MPPED1: variants seen among roughly 807,000 people sequenced by gnomAD.
The protein encoded by MPPED1 is metallophosphoesterase domain containing 1, also known as metallophosphoesterase domain-containing protein 1.
MPPED1 carries 16 observed loss-of-function variants against 36.2 expected under a neutral mutation model. The observed-to-expected ratio is 0.44, with a 90% CI of 0.30 to 0.67. The LOEUF is 0.67. MPPED1 is among the 30% of genes least tolerant of loss of function. The pLI, the probability that MPPED1 is intolerant of heterozygous loss-of-function variation, is 0.10. For missense variants in MPPED1, 307 were observed against 453.4 expected (o/e 0.68, Z 2.93); for synonymous variants, 199 against 191.3 (o/e 1.04, Z -0.33).
chr22:43,495,315 T>A (rs1932233839), intron 4 of MPPED1, among the ~76,000 whole-genome samples: 3 of 142,424 alleles, frequency 2.1e-5, no homozygotes, highest in South Asian at 2.3e-4. Context: ...GTGGTGATGG[T>A]GGTGGTGATG....
chr22:43,429,408 A>C (rs1366610912), intron 2 of MPPED1, among the ~76,000 whole-genome samples: 2 of 152,220 alleles, frequency 1.3e-5, no homozygotes, highest in Non-Finnish European at 2.9e-5. Context: ...TGGGCAACAG[A>C]TGCGGTGGCT....
chr22:43,443,331 T>C (rs531019028), intron 3 of MPPED1, among the ~76,000 whole-genome samples: 2 of 152,222 alleles, frequency 1.3e-5, no homozygotes, highest in Non-Finnish European at 2.9e-5. Flanking sequence ...CAAGGTCTGA[T>C]TCGGGTTTCT....
At chr22:43,440,190 A>G (rs146197189) in intron 3 of MPPED1, among the ~76,000 whole-genome samples, 47 of 152,358 alleles carry the variant, frequency 3.1e-4, no homozygotes, top group Middle Eastern at 3.4e-3. Flanking sequence ...CCTGAATGCC[A>G]CTGGGTAGGC....
At chr22:43,497,935 G>GTATGTGTATATATATATATATATATA (rs1932480800) in intron 4 of MPPED1, among the ~76,000 whole-genome samples, 1 of 128,362 alleles carries the variant, frequency 7.8e-6, no homozygotes, top group African/African-American at 3.5e-5. Context: ...ATATGTATAT[G>GTATGTGTATATATATATATATATATA]TATATATATA....
At position 43,444,945 on chromosome 22, in the gene MPPED1, G is replaced by A. The variant is rs962080794; in HGVS notation, c.406+9730G>A. Among the ~76,000 whole-genome samples the A allele has an allele frequency of 2.0e-5, 3 of 152,274 alleles. No homozygotes were observed. The East Asian group carries it at 5.8e-4, about 29-fold the overall frequency. The stretch of plus-strand genomic sequence containing the variant: ...ATATTGATGATAAATTAAAAGCCAG[G>A]GTTGAAAAAAAAGTTAGAGTAGCTC... On this transcript the variant is annotated intron_variant, in intron 3 of 6. Transcript: ENST00000443721.
intron 4 of MPPED1, among the ~76,000 whole-genome samples, chr22:43,479,528 G>T (rs552870119): frequency 2.6e-5 from 4 of 152,210 alleles, no homozygotes; most frequent in Non-Finnish European, 2.9e-5. Context: ...GCCCAGGGGA[G>T]AGGTGATGTG....
At chr22:43,427,131 G>A (rs1929505463) in intron 2 of MPPED1, among the ~76,000 whole-genome samples, 1 of 152,192 alleles carries the variant, frequency 6.6e-6, no homozygotes, top group African/African-American at 2.4e-5. Flanking sequence ...GGGTTTGTGA[G>A]GGTCCCAGCA....
intron 4 of MPPED1, among the ~76,000 whole-genome samples, chr22:43,485,949 G>T (rs1157932961): frequency 6.6e-6 from 1 of 152,262 alleles, no homozygotes; most frequent in African/African-American, 2.4e-5. Context: ...CAGCCATCGG[G>T]CCCCAAGGGC....
At chr22:43,499,959 G>A (rs1932606850) in intron 5 of MPPED1, among the ~76,000 whole-genome samples, 1 of 114,508 alleles carries the variant, frequency 8.7e-6, no homozygotes, top group African/African-American at 4.0e-5. Flanking sequence ...GGTGGTGATG[G>A]AGGTGGTGAT....
intron 1 of MPPED1, among the ~76,000 whole-genome samples, chr22:43,415,425 A>G (rs1929047171): frequency 6.6e-6 from 1 of 152,008 alleles, no homozygotes; most frequent in Non-Finnish European, 1.5e-5. Context: ...TTTCCCCCTA[A>G]TGAGACAAGA....
At chr22:43,484,239 C>T (rs1464089116) in intron 4 of MPPED1, among the ~76,000 whole-genome samples, 7 of 152,222 alleles carry the variant, frequency 4.6e-5, no homozygotes, top group South Asian at 2.1e-4. Context: ...CCGACTGCCC[C>T]GTGTATTGTC....
intron 1 of MPPED1, 64 bp downstream of exon 1, chr22:43,412,222 G>A (rs1209859427): frequency 4.4e-6 from 4 of 901,672 alleles, no homozygotes; most frequent in African/African-American, 3.6e-5. Flanking sequence ...GGGCGCGGCC[G>A]GGACCCTCTC....
intron 3 of MPPED1, among the ~76,000 whole-genome samples, chr22:43,448,723 C>T (rs1255030706): frequency 1.3e-5 from 2 of 152,058 alleles, no homozygotes; most frequent in Non-Finnish European, 2.9e-5. Context: ...CTGCCTCAGC[C>T]TCTTGAGTAG....
chr22:43,498,949 C>G (rs1438137555), intron 5 of MPPED1, among the ~76,000 whole-genome samples: 1 of 152,188 alleles, frequency 6.6e-6, no homozygotes, highest in Non-Finnish European at 1.5e-5. Context: ...ATTCCACCTC[C>G]AAACTGCCTC....
At chr22:43,448,926 G>T (rs1930460024) in intron 3 of MPPED1, among the ~76,000 whole-genome samples, 1 of 152,020 alleles carries the variant, frequency 6.6e-6, no homozygotes, top group Admixed American at 6.6e-5. Flanking sequence ...TAGCTAAGGA[G>T]ACCTTTTGTA....
intron 4 of MPPED1, among the ~76,000 whole-genome samples, chr22:43,489,958 C>G (rs1569086686): frequency 6.6e-6 from 1 of 152,214 alleles, no homozygotes; most frequent in Non-Finnish European, 1.5e-5. Context: ...CTTTCCTCCC[C>G]TGCGTCAGGC....
intron 5 of MPPED1, among the ~76,000 whole-genome samples, chr22:43,499,203 G>C (rs1157593821): frequency 6.7e-6 from 1 of 150,144 alleles, no homozygotes; most frequent in Admixed American, 6.6e-5. Context: ...GGTGGTGGGA[G>C]GTGGTGATAG....
At chr22:43,448,983 G>C (rs1930462360) in intron 3 of MPPED1, among the ~76,000 whole-genome samples, 1 of 151,550 alleles carries the variant, frequency 6.6e-6, no homozygotes, top group African/African-American at 2.4e-5. Flanking sequence ...GCCAGCCCCT[G>C]ACTCTTTTTT....
At chr22:43,492,405 G>T (rs1932131981) in intron 4 of MPPED1, among the ~76,000 whole-genome samples, 1 of 152,090 alleles carries the variant, frequency 6.6e-6, no homozygotes, top group South Asian at 2.1e-4. Context: ...CTGTGTGGAT[G>T]TGTCTGAGGG....
Sources: gnomAD v4.1 joint callset for allele counts (sites outside exome capture counted in the v4.1 genomes callset) on GRCh38, gnomAD v4.1.1 for gene constraint, MANE v1.5 for transcripts, NCBI Gene and HGNC (gene_info 2026-07-23, HGNC 2026-07-21) for gene names.